MDGA2: variants seen among roughly 807,000 people sequenced by gnomAD.
MDGA2 encodes MAM domain-containing glycosylphosphatidylinositol anchor protein 2.
Under a neutral mutation model 117.8 loss-of-function variants are expected in MDGA2, and 40 were observed. The ratio of observed to expected loss-of-function variants is 0.34; its 90% CI spans 0.26 to 0.44. The LOEUF (loss-of-function observed/expected upper bound fraction) is 0.44, where lower values mean the gene tolerates loss of function less well. MDGA2 is among the 20% of genes least tolerant of loss of function. MDGA2 has a pLI of 1.00. For missense variants in MDGA2, 1,123 were observed against 1,250.6 expected, an observed-to-expected ratio of 0.90 and a Z score of 1.54; for synonymous variants, 452 against 439.0, an observed-to-expected ratio of 1.03 and a Z score of -0.37.
chr14:46,889,438 T>A (rs982824137), intron 10 of MDGA2, among the ~76,000 whole-genome samples: 1 of 152,106 alleles, frequency 6.6e-6, no homozygotes, highest in Non-Finnish European at 1.5e-5. Context: ...CTTAATTGAA[T>A]TATGTCTAAA....
intron 1 of MDGA2, among the ~76,000 whole-genome samples, chr14:47,589,088 A>T (rs1896387948): frequency 6.6e-6 from 1 of 151,878 alleles, no homozygotes; most frequent in Non-Finnish European, 1.5e-5. Context: ...CCATGTTGAG[A>T]TCCCTAACTT....
chr14:46,972,128 G>T (rs1235323255), intron 8 of MDGA2, among the ~76,000 whole-genome samples: 1 of 152,066 alleles, frequency 6.6e-6, no homozygotes, highest in African/African-American at 2.4e-5. Flanking sequence ...TTTGTAACTG[G>T]CATTTGAAAT....
chr14:47,035,614 T>A (rs1888818766), intron 7 of MDGA2, among the ~76,000 whole-genome samples: 1 of 152,156 alleles, frequency 6.6e-6, no homozygotes, highest in Non-Finnish European at 1.5e-5. Context: ...GCTTTAACAT[T>A]TGCATTTCAT....
At chr14:46,892,755 T>A (rs1399315771) in intron 10 of MDGA2, among the ~76,000 whole-genome samples, 1 of 151,928 alleles carries the variant, frequency 6.6e-6, no homozygotes. Context: ...GATGAAAAGG[T>A]GTTCAATATC....
At chr14:47,098,347 C>A (rs1195894151) in intron 5 of MDGA2, among the ~76,000 whole-genome samples, 2 of 150,268 alleles carry the variant, frequency 1.3e-5, no homozygotes, top group African/African-American at 4.9e-5. Flanking sequence ...GCCTGTATGA[C>A]CTTTTTAAGC....
chr14:47,616,246 TG>T lies in MDGA2; in HGVS notation c.280+58270del, dbSNP rs139628513. Among the ~76,000 whole-genome samples the T allele has an allele frequency of 1.3e-3, 199 of 152,342 alleles. 2 individuals carry two copies. In the East Asian group the frequency reaches 0.03, roughly 23 times the overall value. On this transcript the variant is annotated intron_variant, in intron 1 of 16. Transcript: ENST00000399232. ...ATTGTCTGCTCCTCCTCTGATACGC[TG>T]CTAAAATTTCCAGACTACTTTGTTC...
intron 8 of MDGA2, among the ~76,000 whole-genome samples, chr14:46,976,712 C>G (rs1471073440): frequency 1.3e-5 from 2 of 151,702 alleles, no homozygotes; most frequent in Non-Finnish European, 2.9e-5. Flanking sequence ...CTGTCAAGAT[C>G]GTTCATTCGT....
intron 2 of MDGA2, among the ~76,000 whole-genome samples, chr14:47,275,395 C>G (rs891846504): frequency 6.6e-6 from 1 of 152,068 alleles, no homozygotes; most frequent in Admixed American, 6.6e-5. Flanking sequence ...ACAGGTTAAG[C>G]TCAGTTGAAA....
chr14:47,318,319 C>T (rs764332041), intron 1 of MDGA2, among the ~76,000 whole-genome samples: 80 of 152,098 alleles, frequency 5.3e-4, no homozygotes, highest in Non-Finnish European at 9.6e-4. Context: ...TCTCTCTTTC[C>T]GGTCTTTCTA....
At position 47,172,352 on chromosome 14, in the gene MDGA2, G is replaced by C. The variant is rs534650353; in HGVS notation, c.596-28078C>G. Among the ~76,000 whole-genome samples, 14 of 151,942 alleles carry C rather than the reference G, an allele frequency of 9.2e-5. No individual in the cohort carries two copies. In the South Asian group the frequency reaches 2.3e-3, roughly 25 times the overall value. On this transcript the variant is annotated intron_variant, in intron 3 of 16. Coordinates refer to ENST00000399232, the MANE Select transcript of MDGA2 (RefSeq NM_001113498.3). The stretch of plus-strand genomic sequence containing the variant: ...AACCGGCAAACTGCCTCCTCAAGTG[G>C]GTCCCTGACCCCTGACCCCCGAGAA...
intron 2 of MDGA2, among the ~76,000 whole-genome samples, chr14:47,270,179 G>A (rs1888100501): frequency 6.6e-6 from 1 of 152,092 alleles, no homozygotes; most frequent in African/African-American, 2.4e-5. Context: ...ACTGTACCAT[G>A]GATTTTTCCA....
intron 2 of MDGA2, among the ~76,000 whole-genome samples, chr14:47,277,671 A>G (rs1454024895): frequency 6.6e-6 from 1 of 152,178 alleles, no homozygotes; most frequent in Admixed American, 6.5e-5. Context: ...CTTGGACCTA[A>G]TCTACCAAAA....
In MDGA2 at chr14:47,161,314, A is replaced by G. The variant is rs1349833076; in HGVS notation, c.596-17040T>C. Among the ~76,000 whole-genome samples, 3 of 152,070 alleles carry G rather than the reference A, an allele frequency of 2.0e-5. No individual in the cohort carries two copies. The East Asian group carries it at 5.8e-4, about 29-fold the overall frequency. On this transcript the variant is annotated intron_variant, in intron 3 of 16. Coordinates refer to ENST00000399232, the MANE Select transcript of MDGA2 (RefSeq NM_001113498.3). ...ATTTGTTTTGTTCATAGTTTTTACT[A>G]TCAATTATCTGTTTAAGTGCCTTCT...
At chr14:47,108,869 C>T (rs1880885002) in intron 5 of MDGA2, among the ~76,000 whole-genome samples, 1 of 152,150 alleles carries the variant, frequency 6.6e-6, no homozygotes, top group African/African-American at 2.4e-5. Context: ...AAGATGATCC[C>T]CGTGTATAAG....
chr14:47,166,157 T>A lies in MDGA2; in HGVS notation c.596-21883A>T, dbSNP rs1045655402. Among the ~76,000 whole-genome samples the A allele has an allele frequency of 3.3e-5, 5 of 150,304 alleles. No homozygotes were observed. In the Admixed American group the frequency reaches 3.3e-4, roughly 10 times the overall value. On this transcript the variant is annotated intron_variant, in intron 3 of 16. Transcript: ENST00000399232. Reference sequence around the variant, plus strand: ...TTCAAACGATTCTCCTGCCTCAGCCTCCCGAGTAGCTGGGACTACAGATGC... The same window carrying A: ...TTCAAACGATTCTCCTGCCTCAGCCACCCGAGTAGCTGGGACTACAGATGC...
At chr14:47,059,397 A>T in intron 7 of MDGA2, 1 of 999,840 alleles carries the variant, frequency 1.0e-6, no homozygotes, top group South Asian at 1.4e-5. Context: ...TAGCCAGGCA[A>T]ATTAATGATA....
At chr14:47,498,439 G>C (rs1435920510) in intron 1 of MDGA2, among the ~76,000 whole-genome samples, 1 of 152,076 alleles carries the variant, frequency 6.6e-6, no homozygotes, top group African/African-American at 2.4e-5. Flanking sequence ...GGCAGGCATA[G>C]AAGATCTTGA....
chr14:47,187,530 T>C (rs1374076372), intron 3 of MDGA2, among the ~76,000 whole-genome samples: 1 of 152,110 alleles, frequency 6.6e-6, no homozygotes, highest in Non-Finnish European at 1.5e-5. Context: ...GCTTGTGAGA[T>C]GAATCCATGT....
chr14:46,982,947 T>C (rs1474927819), intron 8 of MDGA2, among the ~76,000 whole-genome samples: 5 of 151,982 alleles, frequency 3.3e-5, no homozygotes, highest in East Asian at 1.9e-4. Context: ...GTGGGTTTGT[T>C]GTAGATAGCT....
Sources: gnomAD v4.1 joint callset for allele counts (sites outside exome capture counted in the v4.1 genomes callset) on GRCh38, gnomAD v4.1.1 for gene constraint, MANE v1.5 for transcripts, NCBI Gene and HGNC (gene_info 2026-07-23, HGNC 2026-07-21) for gene names.